The following RAB31 variants were observed in gnomAD, a reference collection of about 807,000 sequenced individuals.
RAB31 encodes the protein RAB31, member RAS oncogene family, also known as ras-related protein Rab-31.
In RAB31, 21 loss-of-function variants were observed where a neutral mutation model predicts 25.6. That is an observed-to-expected ratio of 0.82 (90% CI 0.58 to 1.18). The LOEUF (loss-of-function observed/expected upper bound fraction) is 1.18, where lower values mean the gene tolerates loss of function less well. Among genes scored for constraint, RAB31 ranks in the 50% most tolerant of loss-of-function variants. The probability of loss-of-function intolerance (pLI) is 0.00; values close to 1 mark genes in which losing one functional copy is unlikely to be tolerated. For missense variants in RAB31, 196 were observed against 250.1 expected (o/e 0.78, Z 1.46); for synonymous variants, 87 against 84.0 (o/e 1.04, Z -0.20).
At chr18:9,784,329 C>G (rs2068421056) in intron 2 of RAB31, among the ~76,000 whole-genome samples, 1 of 151,214 alleles carries the variant, frequency 6.6e-6, no homozygotes, top group African/African-American at 2.4e-5. Flanking sequence ...TGTCAGCCAC[C>G]ATGCTCGGCT....
chr18:9,781,874 C>T (rs768961969), intron 2 of RAB31, among the ~76,000 whole-genome samples: 6 of 152,262 alleles, frequency 3.9e-5, no homozygotes, highest in African/African-American at 1.4e-4. Flanking sequence ...GAGTGCTTTC[C>T]CAAAAGCTGG....
chr18:9,806,148 G>A (rs2068539827), intron 3 of RAB31, among the ~76,000 whole-genome samples: 1 of 149,434 alleles, frequency 6.7e-6, no homozygotes, highest in Non-Finnish European at 1.5e-5. Flanking sequence ...GTGCACTCCA[G>A]CCTGGGCAAC....
At position 9,785,764 on chromosome 18, in the gene RAB31, A is replaced by G. The variant is rs74524227; in HGVS notation, c.120-6390A>G. 9.2e-3 allele frequency among the ~76,000 whole-genome samples: 1,396 copies of G among 152,322 alleles called. 62 individuals are homozygous for G. The East Asian group carries it at 0.13, about 14-fold the overall frequency. The stretch of plus-strand genomic sequence containing the variant: ...CCAATCACATTTTTACAAGATTGTT[A>G]AGAATGCCTGTGTAGGTCGGGCACA... On this transcript the variant is annotated intron_variant, in intron 2 of 6. Transcript: ENST00000578921.
intron 2 of RAB31, 135 bp downstream of exon 2, chr18:9,775,492 A>C (rs79076708): frequency 0.15 from 215,305 of 1,462,140 alleles, 17,989 homozygotes; most frequent in Non-Finnish European, 0.17. Context: ...CCAGCTGTAG[A>C]CCGACAGAAA....
chr18:9,751,386 C>A (rs2068234313), intron 1 of RAB31, among the ~76,000 whole-genome samples: 1 of 152,184 alleles, frequency 6.6e-6, no homozygotes, highest in Non-Finnish European at 1.5e-5. Flanking sequence ...TTAGAGGATA[C>A]ACACAGCTTT....
chr18:9,755,152 A>G (rs78404178), intron 1 of RAB31, among the ~76,000 whole-genome samples: 4,116 of 152,302 alleles, frequency 0.027, 120 homozygotes, highest in South Asian at 0.11. Flanking sequence ...GCATACAGGA[A>G]AGCTTAACAG....
chr18:9,809,674 T>C (rs1042167666), intron 3 of RAB31, among the ~76,000 whole-genome samples: 4 of 152,242 alleles, frequency 2.6e-5, no homozygotes, highest in Non-Finnish European at 5.9e-5. Flanking sequence ...TTCCATCATA[T>C]GGCTAAGCCA....
At chr18:9,767,020 A>G (rs1958406780) in intron 1 of RAB31, among the ~76,000 whole-genome samples, 1 of 152,204 alleles carries the variant, frequency 6.6e-6, no homozygotes, top group African/African-American at 2.4e-5. Flanking sequence ...CTTAAAGTCT[A>G]AACATTCAAC....
intron 6 of RAB31, among the ~76,000 whole-genome samples, chr18:9,852,475 CTT>C (rs1213420539): frequency 2.8e-4 from 43 of 152,150 alleles, no homozygotes; most frequent in Non-Finnish European, 2.9e-5. Flanking sequence ...TTAGGCCTCT[CTT>C]AAGCAATAGC....
In RAB31 at chr18:9,771,739, C is replaced by T. The variant is rs144183919; in HGVS notation, c.40-3539C>T. On this transcript the variant is annotated intron_variant, in intron 1 of 6. Transcript: ENST00000578921. ...CTGCATCCACTTGAGCGGTCCCAAGCCACGGGTCAGAGAGGATTCGATGGT... is the reference window on the plus strand; with the variant it reads ...CTGCATCCACTTGAGCGGTCCCAAGTCACGGGTCAGAGAGGATTCGATGGT... 2.1e-3 allele frequency among the ~76,000 whole-genome samples: 326 copies of T among 152,330 alleles called. 1 individual carries two copies. The highest frequency in any genetic ancestry group is 7.6e-3 in the African/African-American group (315 of 41,576).
At chr18:9,717,598 C>A (rs1270734752) in intron 1 of RAB31, among the ~76,000 whole-genome samples, 1 of 152,072 alleles carries the variant, frequency 6.6e-6, no homozygotes, top group Non-Finnish European at 1.5e-5. Flanking sequence ...GAATCACTTT[C>A]CTAACTAGGA....
intron 2 of RAB31, among the ~76,000 whole-genome samples, chr18:9,788,692 G>A (rs143199225): frequency 1.4e-3 from 212 of 152,344 alleles, no homozygotes; most frequent in African/African-American, 4.9e-3. Context: ...GGAGGCTGGC[G>A]TGGTGGCTCA....
At chr18:9,773,070 A>G (rs1599032634) in intron 1 of RAB31, among the ~76,000 whole-genome samples, 1 of 152,216 alleles carries the variant, frequency 6.6e-6, no homozygotes, top group Non-Finnish European at 1.5e-5. Context: ...GCAGATAAAC[A>G]GCAGCTTTGG....
At chr18:9,759,301 C>T (rs763730045) in intron 1 of RAB31, among the ~76,000 whole-genome samples, 13 of 152,002 alleles carry the variant, frequency 8.6e-5, no homozygotes, top group Non-Finnish European at 1.5e-4. Context: ...CTCCCATGTA[C>T]CTTGGACACC....
At chr18:9,767,231 G>C (rs1350296556) in intron 1 of RAB31, among the ~76,000 whole-genome samples, 1 of 152,122 alleles carries the variant, frequency 6.6e-6, no homozygotes, top group East Asian at 1.9e-4. Flanking sequence ...TGCACTCAAG[G>C]TTTGAAAGAC....
At chr18:9,748,332 AC>A (rs964875082) in intron 1 of RAB31, among the ~76,000 whole-genome samples, 5 of 151,586 alleles carry the variant, frequency 3.3e-5, no homozygotes, top group Admixed American at 1.3e-4. Flanking sequence ...CCCTATCTCT[AC>A]CCCCTACCCC....
At chr18:9,793,496 A>G (rs938137276) in intron 3 of RAB31, among the ~76,000 whole-genome samples, 1 of 152,034 alleles carries the variant, frequency 6.6e-6, no homozygotes, top group Non-Finnish European at 1.5e-5. Context: ...CCCTGTCTCT[A>G]CTAAAAATAC....
chr18:9,738,752 C>G (rs922778735), intron 1 of RAB31, among the ~76,000 whole-genome samples: 8 of 152,188 alleles, frequency 5.3e-5, no homozygotes, highest in Non-Finnish European at 1.0e-4. Context: ...TCATGGGAAC[C>G]CTGATTTGCA....
chr18:9,775,335 CACA>C lies in RAB31; in HGVS notation c.101_103del (p.Asn34del), dbSNP rs770523665. 4 of 1,613,830 alleles carry C rather than the reference CACA, an allele frequency of 2.5e-6. No individual in the cohort carries two copies. The highest frequency in any genetic ancestry group is 2.7e-5 in the African/African-American group (2 of 75,010). On this transcript the variant is annotated inframe_deletion, in exon 2 of 7. Coordinates refer to ENST00000578921, the MANE Select transcript of RAB31 (RefSeq NM_006868.4). Reference sequence around the variant, plus strand: ...TCGATTTGTCCAGGATCACTTTGACCACAACATCAGCCCTACTATTGGGTAAGT... The same window carrying C: ...TCGATTTGTCCAGGATCACTTTGACCACATCAGCCCTACTATTGGGTAAGT...
Sources: allele counts gnomAD v4.1 joint callset (sites outside exome capture counted in the v4.1 genomes callset), GRCh38; gene constraint gnomAD v4.1.1; transcripts MANE v1.5; gene names NCBI Gene and HGNC (gene_info 2026-07-23, HGNC 2026-07-21).